Variants in NOS1 observed in about 807,000 individuals in gnomAD.
NOS1 encodes the protein NOS type I.
NOS1 carries 51 observed loss-of-function variants against 164.5 expected under a neutral mutation model. The ratio of observed to expected loss-of-function variants is 0.31; its 90% confidence interval spans 0.25 to 0.39. The LOEUF (loss-of-function observed/expected upper bound fraction) is 0.39. Among genes scored for constraint, NOS1 ranks in the 10% least tolerant of loss-of-function variants. The pLI, the probability that NOS1 is intolerant of heterozygous loss-of-function variation, is 1.00. For synonymous variants in NOS1, 719 were observed against 745.8 expected, an observed-to-expected ratio of 0.96 and a Z score of 0.59; for missense variants, 1,362 against 1,885.6, an observed-to-expected ratio of 0.72 and a Z score of 5.14.
At chr12:117,337,281 A>G (rs1199792575) in intron 1 of NOS1, among the ~76,000 whole-genome samples, 1 of 151,536 alleles carries the variant, frequency 6.6e-6, no homozygotes, top group Admixed American at 6.6e-5. Flanking sequence ...ATGCCCGGCT[A>G]ATTTTTTTGT....
At chr12:117,217,714 A>AT (rs1415493291) in intron 28 of NOS1, among the ~76,000 whole-genome samples, 1 of 150,530 alleles carries the variant, frequency 6.6e-6, no homozygotes, top group East Asian at 1.9e-4. Flanking sequence ...AAAAAAAAAA[A>AT]GCAACTTCCC....
chr12:117,355,476 G>A (rs533998558), intron 1 of NOS1, among the ~76,000 whole-genome samples: 1 of 152,170 alleles, frequency 6.6e-6, no homozygotes, highest in East Asian at 1.9e-4. Context: ...GAAGGGCCCG[G>A]ACAAGCAAAT....
intron 1 of NOS1, among the ~76,000 whole-genome samples, chr12:117,352,933 C>T (rs1468087048): frequency 2.6e-5 from 4 of 152,102 alleles, no homozygotes; most frequent in Non-Finnish European, 4.4e-5. Context: ...TGTAAAAACA[C>T]CCATAAACTT....
chr12:117,209,904 T>A lies in NOS1; in HGVS notation c.*5405A>T. 1 of 985,482 alleles carries A rather than the reference T, an allele frequency of 1.0e-6. No homozygotes were observed. Among genetic ancestry groups the A allele is most frequent in the African/African-American group, 1.7e-5 (1 of 57,356 alleles). The allele number at this position is 985,482 out of a possible 1,614,324, so 61.0% of individuals were successfully genotyped here. On this transcript the variant is annotated 3_prime_UTR_variant, in exon 29 of 29. Transcript: ENST00000317775. ...GTTCATGGGGAACATCTATGTTGAC[T>A]CCCTGGGAGGCAGGCCCCTTCCCTC...
Position 117,208,525 on chromosome 12 carries a change from C to G in NOS1, c.*6784G>C. On this transcript the variant is annotated 3_prime_UTR_variant, in exon 29 of 29. Coordinates refer to ENST00000317775, the MANE Select transcript of NOS1 (RefSeq NM_000620.5). ...CCGCTCTTTGGGCCTTCTGGAAAAC[C>G]ACTGCTGAGCCAGGAGTGTGAGTCT... 1 of 1,222,970 alleles carries G rather than the reference C, an allele frequency of 8.2e-7. No individual in the cohort carries two copies. Among genetic ancestry groups the G allele is most frequent in the Admixed American group, 2.7e-5 (1 of 36,718 alleles). 75.8% of individuals were successfully genotyped at this position (1,222,970 alleles called of 1,614,324 possible).
At position 117,211,981 on chromosome 12, in the gene NOS1, C is replaced by T. The variant is rs1373625486; in HGVS notation, c.*3328G>A. ...TCAGGAGGCCGAGGCAGAAGAATCA[C>T]TTGAACTGGGGGAGGCAGAGGATGC... On this transcript the variant is annotated 3_prime_UTR_variant, in exon 29 of 29. Transcript: ENST00000317775. 1.5e-6 allele frequency: 1 copy of T among 688,148 alleles called. No individual in the cohort carries two copies. The highest frequency in any genetic ancestry group is 1.9e-5 in the African/African-American group (1 of 51,520). 42.6% of individuals were successfully genotyped at this position (688,148 alleles called of 1,614,324 possible).
At chr12:117,334,540 C>T (rs990426860) in intron 1 of NOS1, among the ~76,000 whole-genome samples, 19 of 152,140 alleles carry the variant, frequency 1.2e-4, no homozygotes, top group African/African-American at 4.6e-4. Context: ...GGGATTACGG[C>T]TCCCGCCACC....
intron 1 of NOS1, among the ~76,000 whole-genome samples, chr12:117,360,126 C>A (rs1181339494): frequency 6.6e-6 from 1 of 151,410 alleles, no homozygotes; most frequent in African/African-American, 2.4e-5. Context: ...AGGACCAGAA[C>A]CCAGGGGAGT....
rs1302281680 is a variant in NOS1, at chr12:117,209,584, C to T, written c.*5725G>A. On this transcript the variant is annotated 3_prime_UTR_variant, in exon 29 of 29. Transcript: ENST00000317775. Reference sequence around the variant, plus strand: ...GCCAGACGGGCATAGCCCCGCTTGACCAGAACTGTTTGGGTATTTTAGAAC... The same window carrying T: ...GCCAGACGGGCATAGCCCCGCTTGATCAGAACTGTTTGGGTATTTTAGAAC... The T allele has an allele frequency of 5.1e-6, 5 of 985,370 alleles. No individual in the cohort carries two copies. The East Asian group carries it at 5.7e-4, about 112-fold the overall frequency. The allele number at this position is 985,370 out of a possible 1,614,324, so 61.0% of individuals were successfully genotyped here.
chr12:117,229,791 G>A (rs976904861), intron 22 of NOS1, among the ~76,000 whole-genome samples: 11 of 152,244 alleles, frequency 7.2e-5, no homozygotes, highest in African/African-American at 2.7e-4. Flanking sequence ...GTTTCACCAT[G>A]TTGGCTAGGC....
chr12:117,343,052 G>A (rs76794305), intron 1 of NOS1, among the ~76,000 whole-genome samples: 1,818 of 152,154 alleles, frequency 0.012, 51 homozygotes, highest in African/African-American at 0.042. Flanking sequence ...TAAAAATAGG[G>A]TGAAAGGGCT....
chr12:117,313,592 G>A (rs534284840), intron 2 of NOS1, among the ~76,000 whole-genome samples: 1 of 152,064 alleles, frequency 6.6e-6, no homozygotes, highest in Non-Finnish European at 1.5e-5. Context: ...CACCATGCCC[G>A]GCCAGAATCC....
intron 10 of NOS1, among the ~76,000 whole-genome samples, chr12:117,269,841 C>T (rs1298171888): frequency 2.6e-5 from 4 of 152,166 alleles, no homozygotes; most frequent in African/African-American, 9.7e-5. Flanking sequence ...CTTCATCTAT[C>T]CTACTCTACC....
Position 117,209,565 on chromosome 12 carries a change from C to T in NOS1, c.*5744G>A, listed in dbSNP as rs548723349. The T allele has an allele frequency of 5.7e-5, 56 of 985,484 alleles. No individual in the cohort carries two copies. The East Asian group carries it at 2.7e-3, about 48-fold the overall frequency. 61.0% of individuals were successfully genotyped at this position (985,484 alleles called of 1,614,324 possible). On this transcript the variant is annotated 3_prime_UTR_variant, in exon 29 of 29. Transcript: ENST00000317775. ...ATAACGGACTGTGTTTTGGGCCAGACGGGCATAGCCCCGCTTGACCAGAAC... is the reference window on the plus strand; with the variant it reads ...ATAACGGACTGTGTTTTGGGCCAGATGGGCATAGCCCCGCTTGACCAGAAC...
rs34385734 is a variant in NOS1 at position 117,243,548 on chromosome 12, ACCATCCAT to A, written c.2824-121_2824-114del. On this transcript the variant is annotated intron_variant, in intron 18 of 28. Transcript: ENST00000317775. This position sits in a 1 kb window ranked among gnomAD's most constrained non-coding sequence, Gnocchi z 4.3. ...ATTCACCCATCCATCCATCTATCCA[ACCATCCAT>A]CCATCCATCCATCCATCCATCCATC... 7.7e-4 allele frequency: 450 copies of A among 587,944 alleles called. 2 individuals are homozygous for A. Among genetic ancestry groups the A allele is most frequent in the Middle Eastern group, 3.8e-3 (8 of 2,114 alleles). 36.4% of individuals were successfully genotyped at this position (587,944 alleles called of 1,614,324 possible).
chr12:117,270,668 A>C (rs1414031428), intron 10 of NOS1, among the ~76,000 whole-genome samples: 1 of 152,118 alleles, frequency 6.6e-6, no homozygotes, highest in Non-Finnish European at 1.5e-5. Flanking sequence ...AAAAATCCCC[A>C]AGTGCAACTT....
intron 9 of NOS1, among the ~76,000 whole-genome samples, chr12:117,276,549 C>T (rs1242063607): frequency 1.3e-5 from 2 of 152,222 alleles, no homozygotes; most frequent in East Asian, 1.9e-4. Flanking sequence ...TCCCAAAGTG[C>T]TGGAATTACA....
chr12:117,303,861 G>A (rs918306955), intron 3 of NOS1, among the ~76,000 whole-genome samples: 6 of 152,108 alleles, frequency 3.9e-5, no homozygotes, highest in Admixed American at 6.6e-5. Flanking sequence ...TACTTAAGAC[G>A]ATTATTATAA....
intron 10 of NOS1, among the ~76,000 whole-genome samples, chr12:117,271,787 T>G (rs1017657789): frequency 6.6e-6 from 1 of 152,202 alleles, no homozygotes; most frequent in African/African-American, 2.4e-5. Context: ...AAGTTGGGCT[T>G]CAGGAAGCAC....
Sources: gnomAD v4.1 joint callset for allele counts (sites outside exome capture counted in the v4.1 genomes callset) on GRCh38, gnomAD v4.1.1 for gene constraint, Gnocchi (gnomAD v3.1) non-coding constraint, MANE v1.5 for transcripts, NCBI Gene and HGNC (gene_info 2026-07-23, HGNC 2026-07-21) for gene names.